The following CCDC15 variants were observed in gnomAD, a reference collection of about 807,000 sequenced individuals.
CCDC15 encodes coiled-coil domain containing 15.
Under a neutral mutation model 114.5 loss-of-function variants are expected in CCDC15, and 105 were observed. That is an observed-to-expected ratio of 0.92 (90% CI 0.78 to 1.08). CCDC15 has a LOEUF of 1.08. CCDC15 is among the 50% of genes least tolerant of loss of function. CCDC15 has a pLI of 0.00. For missense variants in CCDC15, 1,105 were observed against 1,093.6 expected (o/e 1.01, Z -0.15); for synonymous variants, 334 against 377.8 (o/e 0.88, Z 1.34).
At position 124,993,226 on chromosome 11, in the gene CCDC15, A is replaced by C. The variant is rs1948301152; in HGVS notation, c.2197A>C (p.Thr733Pro). The C allele has an allele frequency of 6.2e-7, 1 of 1,602,646 alleles. No homozygotes were observed. Among genetic ancestry groups the C allele is most frequent in the South Asian group, 1.1e-5 (1 of 89,926 alleles). Residue 733 changes from threonine to proline, a missense_variant, in exon 11 of 16, where the codon ACT (threonine) becomes CCT (proline). Coordinates refer to ENST00000344762, the MANE Select transcript of CCDC15 (RefSeq NM_025004.3). ...FEKWEIARGN[T>P]PGVPLAYDRY... ...GAAATGGGAGATTGCAAGAGGAAATACTCCTGGAGTGCCCTTGGTATGTTT... is the reference window on the plus strand; with the variant it reads ...GAAATGGGAGATTGCAAGAGGAAATCCTCCTGGAGTGCCCTTGGTATGTTT...
intron 2 of CCDC15, among the ~76,000 whole-genome samples, chr11:124,957,846 T>C (rs1248449162): frequency 2.0e-5 from 3 of 152,152 alleles, no homozygotes; most frequent in African/African-American, 7.2e-5. Context: ...GAATTAGAAG[T>C]TGGAATCACT....
Position 125,038,554 on chromosome 11 carries a change from A to G in CCDC15, c.2535A>G (p.Gln845=). ...AGATATTAGCCCAGTTACAACTTCA[A>G]GAAATAAAAGGAACCAGAGAAAAAC... ...LSEILAQLQL[Q]EIKGTREKQQ... is the part of the protein sequence containing the mutation. Residue 845 remains glutamine, a synonymous_variant, in exon 14 of 16, where the codon CAA becomes CAG. Transcript: ENST00000344762. 1.9e-6 allele frequency: 3 copies of G among 1,580,554 alleles called. No homozygotes were observed. The highest frequency in any genetic ancestry group is 2.6e-6 in the Non-Finnish European group (3 of 1,164,998).
At chr11:124,967,662 C>G (rs1947807730) in intron 4 of CCDC15, among the ~76,000 whole-genome samples, 1 of 152,192 alleles carries the variant, frequency 6.6e-6, no homozygotes, top group South Asian at 2.1e-4. Context: ...CTCCATCCAG[C>G]TTTGTTCCGT....
intron 5 of CCDC15, among the ~76,000 whole-genome samples, chr11:124,976,847 GATA>G (rs752658378): frequency 2.0e-5 from 3 of 152,080 alleles, no homozygotes; most frequent in Non-Finnish European, 4.4e-5. Flanking sequence ...TTGTTATGGT[GATA>G]ATGATGAATT....
intron 13 of CCDC15, among the ~76,000 whole-genome samples, chr11:125,023,937 A>T (rs1273574668): frequency 6.6e-6 from 1 of 152,036 alleles, no homozygotes; most frequent in Non-Finnish European, 1.5e-5. Context: ...CAGAGATAGA[A>T]AAGTTAGTGG....
At chr11:125,001,826 TC>T (rs1948486186) in intron 11 of CCDC15, among the ~76,000 whole-genome samples, 1 of 152,214 alleles carries the variant, frequency 6.6e-6, no homozygotes, top group African/African-American at 2.4e-5. Context: ...GCTTATTTCT[TC>T]TTGGCTGTTA....
chr11:125,020,533 A>G (rs763341405), intron 13 of CCDC15, among the ~76,000 whole-genome samples: 17 of 151,988 alleles, frequency 1.1e-4, no homozygotes, highest in Non-Finnish European at 2.1e-4. Context: ...TTAGTTGTGC[A>G]AACACCCAAT....
At chr11:125,009,902 C>T (rs1273455446) in intron 13 of CCDC15, among the ~76,000 whole-genome samples, 1 of 152,138 alleles carries the variant, frequency 6.6e-6, no homozygotes, top group Non-Finnish European at 1.5e-5. Context: ...TCCAGTTCGC[C>T]ACTGATGGGC....
intron 4 of CCDC15, among the ~76,000 whole-genome samples, chr11:124,971,100 C>A (rs1478784106): frequency 6.6e-6 from 1 of 152,108 alleles, no homozygotes; most frequent in Non-Finnish European, 1.5e-5. Flanking sequence ...GTAGGCCTGG[C>A]AGTATTCCTT....
intron 13 of CCDC15, among the ~76,000 whole-genome samples, chr11:125,029,591 GA>G (rs1324032701): frequency 6.6e-6 from 1 of 152,182 alleles, no homozygotes; most frequent in Non-Finnish European, 1.5e-5. Flanking sequence ...AAAGAAGGAG[GA>G]AATACTCATG....
rs562399963 is a variant in CCDC15 at position 125,028,508 on chromosome 11, G to A, written c.2412-9923G>A. On this transcript the variant is annotated intron_variant, in intron 13 of 15. Coordinates refer to ENST00000344762, the MANE Select transcript of CCDC15 (RefSeq NM_025004.3). Reference sequence around the variant, plus strand: ...GGTTAAGTATATTCCTAAGGTTGGTGGTGGTGGTTTTGTTTTGTTTTGTTT... The same window carrying A: ...GGTTAAGTATATTCCTAAGGTTGGTAGTGGTGGTTTTGTTTTGTTTTGTTT... 2.5e-4 allele frequency among the ~76,000 whole-genome samples: 38 copies of A among 151,986 alleles called. 1 individual carries two copies. In the South Asian group the frequency reaches 7.5e-3, roughly 30 times the overall value.
At position 124,986,710 on chromosome 11, in the gene CCDC15, CGCGT is replaced by C. The variant is rs376142029; in HGVS notation, c.754-28_754-25del. ...GTGTGTTTGTGTGTGTGCGCGCGCG[CGCGT>C]GCGCGTTTTCATTGTTTTTTTCTTT... On this transcript the variant is annotated intron_variant, in intron 6 of 15. Transcript: ENST00000344762. 280 of 1,423,454 alleles carry C rather than the reference CGCGT, an allele frequency of 2.0e-4. 5 individuals carry two copies. Among genetic ancestry groups the C allele is most frequent in the African/African-American group, 1.8e-3 (112 of 60,928 alleles). The allele number at this position is 1,423,454 out of a possible 1,614,324, so 88.2% of individuals were successfully genotyped here.
intron 13 of CCDC15, among the ~76,000 whole-genome samples, chr11:125,034,095 G>A (rs4936972): frequency 6.6e-6 from 1 of 152,040 alleles, no homozygotes; most frequent in Non-Finnish European, 1.5e-5. Context: ...AACTGCCTCA[G>A]GGGAGGCCAT....
In CCDC15 at chr11:125,030,413, A is replaced by G. The variant is rs140332762; in HGVS notation, c.2412-8018A>G. Among the ~76,000 whole-genome samples, 8 of 152,304 alleles carry G rather than the reference A, an allele frequency of 5.3e-5. No individual in the cohort carries two copies. The East Asian group carries it at 1.5e-3, about 29-fold the overall frequency. On this transcript the variant is annotated intron_variant, in intron 13 of 15. Coordinates refer to ENST00000344762, the MANE Select transcript of CCDC15 (RefSeq NM_025004.3). Reference sequence around the variant, plus strand: ...TCCATGAGCAGGAGCCCACTGCTGCACTTCTTCAGCTGTAAAGTCAGAGGT... The same window carrying G: ...TCCATGAGCAGGAGCCCACTGCTGCGCTTCTTCAGCTGTAAAGTCAGAGGT...
At chr11:124,959,743 G>A (rs1947624308) in intron 3 of CCDC15, 72 bp from the exon 4 acceptor site, 3 of 707,102 alleles carry the variant, frequency 4.2e-6, no homozygotes, top group East Asian at 3.8e-5. Context: ...CTTCTGAACT[G>A]CTTTAGAGGC....
intron 13 of CCDC15, among the ~76,000 whole-genome samples, chr11:125,035,907 A>G (rs955120026): frequency 1.3e-4 from 20 of 152,002 alleles, no homozygotes; most frequent in Non-Finnish European, 1.8e-4. Flanking sequence ...TTAACTTTTT[A>G]TTGTTTCTAC....
intron 13 of CCDC15, among the ~76,000 whole-genome samples, chr11:125,008,399 A>G (rs1028172246): frequency 6.6e-6 from 1 of 152,208 alleles, no homozygotes; most frequent in African/African-American, 2.4e-5. Flanking sequence ...TGCTGTAATC[A>G]CTTAGTTCCA....
At chr11:124,990,429 A>T (rs1247649321) in intron 8 of CCDC15, among the ~76,000 whole-genome samples, 1 of 152,236 alleles carries the variant, frequency 6.6e-6, no homozygotes, top group African/African-American at 2.4e-5. Context: ...ACACGAGCAC[A>T]TGCTGTTGGA....
chr11:124,960,807 T>C (rs1381630035), intron 4 of CCDC15, among the ~76,000 whole-genome samples: 1 of 152,220 alleles, frequency 6.6e-6, no homozygotes, highest in Admixed American at 6.5e-5. Context: ...GTCCAGTTGA[T>C]ACAGTCTTCA....
Sources: allele counts gnomAD v4.1 joint callset (sites outside exome capture counted in the v4.1 genomes callset), GRCh38; gene constraint gnomAD v4.1.1; transcripts MANE v1.5; gene names NCBI Gene and HGNC (gene_info 2026-07-23, HGNC 2026-07-21).